ACBD3: variants seen among roughly 807,000 people sequenced by gnomAD.
The protein encoded by ACBD3 is acyl-CoA binding domain containing 3.
ACBD3 carries 30 observed loss-of-function variants against 66.9 expected under a neutral mutation model. The observed-to-expected ratio is 0.45, with a 90% CI of 0.34 to 0.61. The LOEUF is 0.61. Among genes scored for constraint, ACBD3 ranks in the 20% least tolerant of loss-of-function variants. The pLI is 0.02. For synonymous variants in ACBD3, 278 were observed against 259.8 expected, an observed-to-expected ratio of 1.07 and a Z score of -0.68; for missense variants, 544 against 664.5, an observed-to-expected ratio of 0.82 and a Z score of 1.99.
intron 5 of ACBD3, among the ~76,000 whole-genome samples, chr1:226,156,842 C>G (rs1659682719): frequency 6.6e-6 from 1 of 152,138 alleles, no homozygotes; most frequent in Non-Finnish European, 1.5e-5. Context: ...AGCAAAAGAG[C>G]ATTTTTGATG....
At chr1:226,154,003 T>C (rs1659624396) in intron 6 of ACBD3, among the ~76,000 whole-genome samples, 1 of 152,174 alleles carries the variant, frequency 6.6e-6, no homozygotes, top group Admixed American at 6.5e-5. Context: ...GGCCAGGAAT[T>C]GAGCTTCCAG....
intron 3 of ACBD3, among the ~76,000 whole-genome samples, chr1:226,163,132 T>G (rs1444240204): frequency 6.6e-6 from 1 of 152,120 alleles, no homozygotes; most frequent in Non-Finnish European, 1.5e-5. Flanking sequence ...CTACTTTTAA[T>G]GTGTCACAGC....
chr1:226,167,526 C>T (rs536168595), intron 1 of ACBD3, among the ~76,000 whole-genome samples: 3 of 152,298 alleles, frequency 2.0e-5, no homozygotes, highest in Admixed American at 6.5e-5. Context: ...AGACTAACTG[C>T]TACCAACATT....
intron 1 of ACBD3, among the ~76,000 whole-genome samples, chr1:226,169,031 T>C (rs1659931363): frequency 6.6e-6 from 1 of 151,864 alleles, no homozygotes; most frequent in Non-Finnish European, 1.5e-5. Context: ...CCCGGCTAGT[T>C]TTTATATTTT....
intron 1 of ACBD3, among the ~76,000 whole-genome samples, chr1:226,171,149 C>G (rs1222943868): frequency 8.6e-6 from 1 of 116,862 alleles, no homozygotes; most frequent in Non-Finnish European, 1.8e-5. Context: ...GGTAAGTAAA[C>G]AATTTTTTTT....
chr1:226,176,751 GA>G (rs537915053), intron 1 of ACBD3, among the ~76,000 whole-genome samples: 2 of 151,816 alleles, frequency 1.3e-5, no homozygotes, highest in Non-Finnish European at 2.9e-5. Context: ...TATACATGAA[GA>G]AAAAAATGCC....
chr1:226,152,831 C>T (rs543879678), intron 6 of ACBD3, among the ~76,000 whole-genome samples: 1 of 152,198 alleles, frequency 6.6e-6, no homozygotes, highest in Non-Finnish European at 1.5e-5. Context: ...CAGAGGTCAT[C>T]GTACTTCTTC....
intron 7 of ACBD3, among the ~76,000 whole-genome samples, chr1:226,150,326 G>C (rs1659546302): frequency 1.3e-5 from 2 of 151,936 alleles, no homozygotes; most frequent in South Asian, 4.1e-4. Flanking sequence ...TCCTTACTTG[G>C]CCTCCCCAAA....
At chr1:226,166,200 G>C (rs1270490680) in intron 1 of ACBD3, among the ~76,000 whole-genome samples, 200 bp from the exon 2 acceptor site, 1 of 152,026 alleles carries the variant, frequency 6.6e-6, no homozygotes, top group East Asian at 1.9e-4. Flanking sequence ...CTGTTGCCCA[G>C]GCTGGAGTGC....
chr1:226,158,343 C>T (rs762787058), intron 5 of ACBD3, among the ~76,000 whole-genome samples: 4 of 152,154 alleles, frequency 2.6e-5, no homozygotes, highest in Non-Finnish European at 4.4e-5. Context: ...AACTAAGCTA[C>T]GTTAAGTTTA....
At chr1:226,185,096 T>C (rs1656266090) in intron 1 of ACBD3, among the ~76,000 whole-genome samples, 1 of 152,188 alleles carries the variant, frequency 6.6e-6, no homozygotes, top group African/African-American at 2.4e-5. Flanking sequence ...CTGATTTTTA[T>C]CAAGTGGTAA....
intron 3 of ACBD3, 83 bp from the exon 4 acceptor site, chr1:226,161,772 T>C (rs1356177946): frequency 1.4e-6 from 2 of 1,460,252 alleles, no homozygotes; most frequent in African/African-American, 1.4e-5. Flanking sequence ...AAAACTGACA[T>C]GACCTTTTTA....
Position 226,147,119 on chromosome 1 carries a change from T to C in ACBD3, c.1376-298A>G, listed in dbSNP as rs1023187420. 4.6e-5 allele frequency among the ~76,000 whole-genome samples: 7 copies of C among 152,266 alleles called. No homozygotes were observed. The East Asian group carries it at 1.3e-3, about 29-fold the overall frequency. ...GTTGGCCAGGATTGTCTCAATCTCC[T>C]GACCTTGTGACCCACCTGCCTCGGC... On this transcript the variant is annotated intron_variant, in intron 7 of 7. Transcript: ENST00000366812.
Position 226,186,634 on chromosome 1 carries a change from G to C in ACBD3, c.42C>G (p.Val14=), listed in dbSNP as rs926860360. Residue 14 remains valine (V), a synonymous_variant, in exon 1 of 8, where the codon GTC becomes GTG. Transcript: ENST00000366812. ...GGTCCGGGCTGAGCGTGAGGCCGTC[G>C]ACGGACACCTCGAGTCGCTCTGCGT... is the stretch of plus-strand genomic sequence containing the variant. ...VLNAERLEVS[V]DGLTLSPDPE... is the part of the protein sequence containing the mutation. The C allele has an allele frequency of 2.0e-6, 3 of 1,512,772 alleles. No homozygotes were observed. The highest frequency in any genetic ancestry group is 2.9e-5 in the African/African-American group (2 of 69,976). The allele number at this position is 1,512,772 out of a possible 1,614,324, so 93.7% of individuals were successfully genotyped here. A position where few individuals can be genotyped will look rare whatever the true frequency, so the allele number is the denominator to read the frequency against.
At chr1:226,169,234 G>A (rs922511555) in intron 1 of ACBD3, among the ~76,000 whole-genome samples, 1 of 146,348 alleles carries the variant, frequency 6.8e-6, no homozygotes, top group African/African-American at 2.5e-5. Context: ...TTGTGATTTA[G>A]AGAGTTTTTT....
Position 226,145,803 on chromosome 1 carries a change from G to A in ACBD3, c.*807C>T, listed in dbSNP as rs1165732744. The A allele has an allele frequency of 6.6e-6, 1 of 151,994 alleles. No homozygotes were observed. The highest frequency in any genetic ancestry group is 1.9e-4 in the East Asian group (1 of 5,184). 9.4% of individuals were successfully genotyped at this position (151,994 alleles called of 1,614,324 possible). On this transcript the variant is annotated 3_prime_UTR_variant, in exon 8 of 8. Transcript: ENST00000366812. ...AATCCTTAATTTTATTCTTTGTGCA[G>A]AAAAGTTTCAATTTGAGATACTCTA...
intron 7 of ACBD3, 77 bp from the exon 8 acceptor site, chr1:226,146,898 C>CT (rs1576226994): frequency 7.3e-5 from 102 of 1,401,286 alleles, no homozygotes; most frequent in Non-Finnish European, 8.2e-5. Flanking sequence ...TCTATCCTTT[C>CT]TTTTTTTTCT....
At chr1:226,167,465 C>G (rs1659897133) in intron 1 of ACBD3, among the ~76,000 whole-genome samples, 1 of 152,156 alleles carries the variant, frequency 6.6e-6, no homozygotes, top group African/African-American at 2.4e-5. Context: ...CTGATTGGCT[C>G]TGGTAGGTTT....
chr1:226,184,400 G>A (rs2102793070), intron 1 of ACBD3, among the ~76,000 whole-genome samples: 1 of 152,234 alleles, frequency 6.6e-6, no homozygotes, highest in Non-Finnish European at 1.5e-5. Context: ...ACTTCATTTA[G>A]GAAGTGAGTG....
Sources: gnomAD v4.1 joint callset for allele counts (sites outside exome capture counted in the v4.1 genomes callset) on GRCh38, gnomAD v4.1.1 for gene constraint, MANE v1.5 for transcripts, NCBI Gene and HGNC (gene_info 2026-07-23, HGNC 2026-07-21) for gene names.